The following NTRK1 variants were observed in gnomAD, a reference collection of about 807,000 sequenced individuals.
NTRK1 encodes the protein high affinity nerve growth factor receptor.
A neutral mutation model predicts 86.8 loss-of-function variants in NTRK1; 62 were observed. The observed-to-expected ratio is 0.71, with a 90% CI of 0.58 to 0.88. The LOEUF is 0.88. Among genes scored for constraint, NTRK1 ranks in the 40% least tolerant of loss-of-function variants. The pLI, the probability that NTRK1 is intolerant of heterozygous loss-of-function variation, is 0.00. For synonymous variants in NTRK1, 469 were observed against 456.6 expected (o/e 1.03, Z -0.35); for missense variants, 967 against 1,078.4 (o/e 0.90, Z 1.45).
intron 11 of NTRK1, 38 bp downstream of exon 11, chr1:156,875,046 T>C (rs753713454): frequency 1.4e-6 from 2 of 1,451,668 alleles, no homozygotes; most frequent in Admixed American, 3.3e-5. Flanking sequence ...GTCTGTCTGT[T>C]CTCCTGGCTT....
chr1:156,846,420 G>A, intron 2 of NTRK1: 1 of 977,974 alleles, frequency 1.0e-6, no homozygotes, highest in African/African-American at 1.6e-5. Context: ...CTGTGGGCCA[G>A]GTGTTCAGTG....
chr1:156,867,105 T>C, intron 4 of NTRK1, 127 bp downstream of exon 4: 2 of 972,856 alleles, frequency 2.1e-6, no homozygotes, highest in African/African-American at 1.6e-5. Flanking sequence ...TTGGGGACTA[T>C]GTGCATGCCA....
At chr1:156,864,466 T>G (rs1413732436) in intron 2 of NTRK1, 38 bp downstream of exon 2, 2 of 1,599,546 alleles carry the variant, frequency 1.3e-6, no homozygotes, top group East Asian at 2.2e-5. Flanking sequence ...GAGCTCAGCA[T>G]GGGCCTGGGG....
rs1156395864 is a variant in NTRK1 at position 156,875,500 on chromosome 1, C to A, written c.1355-20C>A. The A allele has an allele frequency of 6.2e-6, 10 of 1,613,394 alleles. No homozygotes were observed. The highest frequency in any genetic ancestry group is 1.7e-5 in the Admixed American group (1 of 59,990). ...CAAGGTGTGGGCAAACCCCTCCATG[C>A]GGCTGTGTCTCCTCTCTAGGCCCGG... On this transcript the variant is annotated intron_variant, in intron 11 of 16. Transcript: ENST00000524377.
chr1:156,823,441 C>T (rs1481886071), intron 1 of NTRK1, among the ~76,000 whole-genome samples: 1 of 152,098 alleles, frequency 6.6e-6, no homozygotes, highest in East Asian at 1.9e-4. Flanking sequence ...GATCGCGAGC[C>T]TGTTGTTGTG....
At chr1:156,826,402 G>A (rs1478364521) in intron 1 of NTRK1, among the ~76,000 whole-genome samples, 13 of 144,732 alleles carry the variant, frequency 9.0e-5, no homozygotes, top group African/African-American at 2.8e-4. Flanking sequence ...CCGGGTTCAC[G>A]CCATTCTCCT....
At chr1:156,869,805 T>C (rs1647447965) in intron 6 of NTRK1, among the ~76,000 whole-genome samples, 1 of 152,248 alleles carries the variant, frequency 6.6e-6, no homozygotes, top group African/African-American at 2.4e-5. Context: ...GTCGGCCTTG[T>C]TGACGAGGTC....
intron 1 of NTRK1, chr1:156,841,528 C>G (rs1654781640): frequency 6.2e-7 from 1 of 1,613,974 alleles, no homozygotes. Flanking sequence ...CGCCAAAGGA[C>G]CTGGGGGCAT....
chr1:156,874,049 G>A (rs2102907027), intron 8 of NTRK1, 90 bp downstream of exon 8: 1 of 1,361,772 alleles, frequency 7.3e-7, no homozygotes, highest in South Asian at 1.3e-5. Context: ...CCCAGAAATT[G>A]GAGTGCCTGG....
intron 1 of NTRK1, among the ~76,000 whole-genome samples, chr1:156,864,145 A>G (rs1387337821): frequency 6.6e-6 from 1 of 152,148 alleles, no homozygotes; most frequent in African/African-American, 2.4e-5. Flanking sequence ...GTTCATGCAC[A>G]CACATGTGCA....
chr1:156,817,372 C>T (rs541440775), intron 1 of NTRK1, among the ~76,000 whole-genome samples: 1 of 151,862 alleles, frequency 6.6e-6, no homozygotes, highest in African/African-American at 2.4e-5. Context: ...CGCTTGAGCC[C>T]AGGAGTTCAT....
At position 156,874,395 on chromosome 1, in the gene NTRK1, C is replaced by T. The variant is rs752761451; in HGVS notation, c.1190C>T (p.Pro397Leu). Reference protein sequence around the residue: ...PEDPIPVSFSPVDTNSTSGDP... With the variant: ...PEDPIPVSFSLVDTNSTSGDP... ...CCTCCTGCTGCAGTCTCCTTCTCGC[C>T]GGTGGGTGAGTAGCCCAAGGTGGAG... Residue 397 changes from proline (P) to leucine (L), a missense_variant, in exon 9 of 17, where the codon CCG (proline) becomes CTG (leucine). Around this residue, in one of 2 missense-constraint regions of NTRK1, gnomAD observed 637 missense variants for 776.5 expected, o/e 0.82. Coordinates refer to ENST00000524377, the MANE Select transcript of NTRK1 (RefSeq NM_002529.4). 5.1e-5 allele frequency: 82 copies of T among 1,614,016 alleles called. 1 individual carries two copies. Among genetic ancestry groups the T allele is most frequent in the South Asian group, 1.6e-4 (15 of 91,086 alleles).
In NTRK1 at chr1:156,874,900, C is replaced by G. The variant is rs776728101; in HGVS notation, c.1252-6C>G. 2.7e-5 allele frequency: 43 copies of G among 1,605,812 alleles called. No homozygotes were observed. The highest frequency in any genetic ancestry group is 1.6e-4 in the Middle Eastern group (1 of 6,072). On this transcript the variant is annotated splice_polypyrimidine_tract_variant and splice_region_variant and intron_variant, in intron 10 of 16. Coordinates refer to ENST00000524377, the MANE Select transcript of NTRK1 (RefSeq NM_002529.4). ...CCTGGATCTAACTACCCCTGTCCCC[C>G]ACCAGGTCTCGGTGGCTGTGGGCCT...
At chr1:156,858,299 A>G (rs1231559077), upstream of NTRK1, among the ~76,000 whole-genome samples, 1 of 152,196 alleles carries the variant, frequency 6.6e-6, no homozygotes, top group African/African-American at 2.4e-5. Flanking sequence ...TAGGGACGGA[A>G]GATATCTACT....
In NTRK1 at chr1:156,827,820, C is replaced by T. The variant is rs146641289; in HGVS notation, c.-64+11982C>T. Among the ~76,000 whole-genome samples, 398 of 152,270 alleles carry T rather than the reference C, an allele frequency of 2.6e-3. 1 individual carries two copies. The highest frequency in any genetic ancestry group is 9.0e-3 in the African/African-American group (372 of 41,550). The stretch of plus-strand genomic sequence containing the variant: ...CTGACTTCAACAGCTACTTTTCTTC[C>T]GTGGGTCTGCCATGTGTCTGGCTGT... On this transcript the variant is annotated intron_variant, in intron 1 of 16. Transcript: ENST00000392302.
chr1:156,841,484 T>C, intron 1 of NTRK1: 1 of 1,613,898 alleles, frequency 6.2e-7, no homozygotes. Flanking sequence ...CTGGTAGGGT[T>C]GTTCTGCCAG....
intron 1 of NTRK1, among the ~76,000 whole-genome samples, chr1:156,839,206 C>T (rs1571652045): frequency 6.6e-6 from 1 of 152,264 alleles, no homozygotes; most frequent in East Asian, 1.9e-4. Context: ...CTCACGCAGA[C>T]TCGTGCCCAC....
intron 1 of NTRK1, among the ~76,000 whole-genome samples, chr1:156,829,814 G>A (rs560202646): frequency 2.6e-5 from 4 of 152,214 alleles, no homozygotes; most frequent in African/African-American, 4.8e-5. Flanking sequence ...CACCGCATCC[G>A]GCGAATTTTG....
intron 2 of NTRK1, chr1:156,845,078 TG>T: frequency 6.2e-7 from 1 of 1,605,488 alleles, no homozygotes; most frequent in Non-Finnish European, 8.5e-7. Context: ...TCACCTACTG[TG>T]GGGCATGGTG....
Sources: allele counts gnomAD v4.1 joint callset (sites outside exome capture counted in the v4.1 genomes callset), GRCh38; gene constraint gnomAD v4.1.1; regional missense constraint gnomAD v4.1.1; transcripts MANE v1.5; gene names NCBI Gene and HGNC (gene_info 2026-07-23, HGNC 2026-07-21).